The following KLRG2 variants were observed in gnomAD, a reference collection of about 807,000 sequenced individuals.
KLRG2 encodes the protein killer cell lectin like receptor G2.
Under a neutral mutation model 35.4 loss-of-function variants are expected in KLRG2, and 39 were observed. That is an observed-to-expected ratio of 1.10 (90% confidence interval 0.85 to 1.44). KLRG2 has a LOEUF of 1.44. Ranked by LOEUF, KLRG2 falls within the 40% of genes most tolerant of loss-of-function variation. The probability of loss-of-function intolerance (pLI) is 0.00; values close to 1 mark genes in which losing one functional copy is unlikely to be tolerated. For synonymous variants in KLRG2, 283 were observed against 265.8 expected, an observed-to-expected ratio of 1.06 and a Z score of -0.63; for missense variants, 632 against 570.9, an observed-to-expected ratio of 1.11 and a Z score of -1.09.
the KLRG2 span, among the ~76,000 whole-genome samples, chr7:139,446,256 G>C: frequency 6.6e-6 from 1 of 151,590 alleles, no homozygotes; most frequent in Non-Finnish European, 1.5e-5. Context: ...CAGTCTCACT[G>C]AGCCAAAATC....
At chr7:139,455,622 A>G (rs1796464610) in intron 3 of KLRG2, among the ~76,000 whole-genome samples, 1 of 152,146 alleles carries the variant, frequency 6.6e-6, no homozygotes, top group Non-Finnish European at 1.5e-5. Flanking sequence ...CGCCCGGCCA[A>G]GATTTTTTAA....
chr7:139,470,140 CT>C (rs1192154267), intron 3 of KLRG2, among the ~76,000 whole-genome samples: 1 of 151,936 alleles, frequency 6.6e-6, no homozygotes, highest in Non-Finnish European at 1.5e-5. Flanking sequence ...TCACTGCAAC[CT>C]CCACCTCCCA....
chr7:139,434,429 G>A, the KLRG2 span, among the ~76,000 whole-genome samples: 1 of 152,102 alleles, frequency 6.6e-6, no homozygotes, highest in Non-Finnish European at 1.5e-5. Flanking sequence ...CCTTGGCTGG[G>A]AGCATCAACA....
chr7:139,445,081 ATTT>A, the KLRG2 span, among the ~76,000 whole-genome samples: 4 of 142,654 alleles, frequency 2.8e-5, no homozygotes, highest in African/African-American at 1.0e-4. Context: ...CACTATTTCT[ATTT>A]TTTTTTTTTT....
At position 139,475,210 on chromosome 7, in the gene KLRG2, A is replaced by C. The variant is rs187631729; in HGVS notation, c.1005+4417T>G. 8.3e-4 allele frequency among the ~76,000 whole-genome samples: 127 copies of C among 152,308 alleles called. 4 individuals carry two copies. Among genetic ancestry groups the C allele is most frequent in the Admixed American group, 7.2e-3 (110 of 15,288 alleles). ...TTGGGGGCTTCCGGATAGGCTGAAC[A>C]CATAGAGGCTAACAGGAAGGTGAGT... On this transcript the variant is annotated intron_variant, in intron 3 of 4. Transcript: ENST00000340940.
the KLRG2 span, among the ~76,000 whole-genome samples, chr7:139,437,903 A>G: frequency 6.6e-6 from 1 of 151,880 alleles, no homozygotes; most frequent in East Asian, 1.9e-4. Context: ...AGCTTCATCT[A>G]CTTCAGGACT....
intron 4 of KLRG2, 141 bp from the exon 5 acceptor site, chr7:139,453,848 G>A: frequency 1.0e-6 from 1 of 991,058 alleles, no homozygotes; most frequent in Non-Finnish European, 1.5e-6. Context: ...CAGCCACGTG[G>A]CACTGGATGA....
At chr7:139,453,804 C>A (rs1257296155) in intron 4 of KLRG2, 97 bp from the exon 5 acceptor site, 3 of 1,450,064 alleles carry the variant, frequency 2.1e-6, no homozygotes, top group Non-Finnish European at 1.9e-6. Flanking sequence ...GTCACCTCTA[C>A]CGGCCTGGGC....
intron 3 of KLRG2, among the ~76,000 whole-genome samples, chr7:139,466,454 C>T (rs968788438): frequency 6.6e-6 from 1 of 152,120 alleles, no homozygotes; most frequent in Non-Finnish European, 1.5e-5. Context: ...GGTTTTACCT[C>T]AAATCCCCAC....
chr7:139,428,398 CCACT>C, the KLRG2 span, among the ~76,000 whole-genome samples: 1 of 152,034 alleles, frequency 6.6e-6, no homozygotes, highest in Admixed American at 6.6e-5. Flanking sequence ...CACCACCCTC[CCACT>C]CAGCTAATTT....
chr7:139,480,281 T>C, intron 1 of KLRG2, 34 bp from the exon 2 acceptor site: 1 of 1,277,122 alleles, frequency 7.8e-7, no homozygotes, highest in Non-Finnish European at 1.1e-6. Flanking sequence ...ATCAGATTAG[T>C]GGAGACCATC....
the KLRG2 span, among the ~76,000 whole-genome samples, chr7:139,445,686 T>G: frequency 6.7e-6 from 1 of 149,000 alleles, no homozygotes; most frequent in South Asian, 2.1e-4. Flanking sequence ...TCGAGGGTTC[T>G]TAACCACTTT....
rs573340149 is a variant in KLRG2, at chr7:139,483,324, C to T, written c.319G>A (p.Gly107Ser). Residue 107 changes from glycine (G) to serine (S), a missense_variant, in exon 1 of 5, where the codon GGC becomes AGC. By Grantham distance (56) the Gly-to-Ser change is moderately conservative. Coordinates refer to ENST00000340940, the MANE Select transcript of KLRG2 (RefSeq NM_198508.4). ...GCAGGCTCAGCCCCGGGCGCCTCGC[C>T]ATTCCGGGGCAGCTTGACCAAGGCA... ...GPALVKLPRN[G>S]EAPGAEPAPS... The T allele has an allele frequency of 1.0e-4, 154 of 1,546,216 alleles. 3 individuals carry two copies. The South Asian group carries it at 1.8e-3, about 18-fold the overall frequency.
chr7:139,471,167 A>G (rs1408731541), intron 3 of KLRG2, among the ~76,000 whole-genome samples: 1 of 152,080 alleles, frequency 6.6e-6, no homozygotes, highest in African/African-American at 2.4e-5. Flanking sequence ...TGTTTTAAAG[A>G]CAAAGTTACA....
At chr7:139,465,764 T>C (rs1192393294) in intron 3 of KLRG2, among the ~76,000 whole-genome samples, 1 of 151,196 alleles carries the variant, frequency 6.6e-6, no homozygotes, top group Non-Finnish European at 1.5e-5. Context: ...TCAAAAGGCA[T>C]CAGACCTCTC....
Position 139,465,339 on chromosome 7 carries a change from G to T in KLRG2, c.1006-11125C>A, listed in dbSNP as rs539543900. On this transcript the variant is annotated intron_variant, in intron 3 of 4. Coordinates refer to ENST00000340940, the MANE Select transcript of KLRG2 (RefSeq NM_198508.4). Reference sequence around the variant, plus strand: ...AAAGAAATTTCCTCACTATGCAAGGGTCCTCCATCATTAATGCCTCTTTAA... The same window carrying T: ...AAAGAAATTTCCTCACTATGCAAGGTTCCTCCATCATTAATGCCTCTTTAA... Among the ~76,000 whole-genome samples, 12 of 152,286 alleles carry T rather than the reference G, an allele frequency of 7.9e-5. No individual in the cohort carries two copies. In the South Asian group the frequency reaches 2.3e-3, roughly 29 times the overall value.
chr7:139,456,236 A>G (rs1200859420), intron 3 of KLRG2, among the ~76,000 whole-genome samples: 2 of 152,348 alleles, frequency 1.3e-5, no homozygotes, highest in Non-Finnish European at 2.9e-5. Context: ...TCCATCCTTC[A>G]GAACTGATTT....
At chr7:139,480,609 C>CT (rs2116485460) in intron 1 of KLRG2, among the ~76,000 whole-genome samples, 1 of 151,442 alleles carries the variant, frequency 6.6e-6, no homozygotes, top group Admixed American at 6.6e-5. Context: ...CCATGCCCGG[C>CT]TAATTTTTTG....
In KLRG2 at chr7:139,483,562, G is replaced by A. The variant is rs1182831130; in HGVS notation, c.81C>T (p.Pro27=). 4.4e-6 allele frequency: 7 copies of A among 1,598,456 alleles called. No individual in the cohort carries two copies. The highest frequency in any genetic ancestry group is 1.1e-5 in the South Asian group (1 of 90,534). Residue 27 remains proline, a synonymous_variant, in exon 1 of 5, where the codon CCC becomes CCT. Transcript: ENST00000340940. ...LPMEPVGSLV[P]TLEQPQVPAK... is the part of the protein sequence containing the mutation. ...CGGGCACCTGCGGCTGCTCCAGCGT[G>A]GGGACCAGGCTTCCCACGGGCTCCA...
Sources: allele counts gnomAD v4.1 joint callset (sites outside exome capture counted in the v4.1 genomes callset), GRCh38; gene constraint gnomAD v4.1.1; transcripts MANE v1.5; gene names NCBI Gene and HGNC (gene_info 2026-07-23, HGNC 2026-07-21).